The following POLN variants were observed in gnomAD, a reference collection of about 807,000 sequenced individuals.
POLN encodes DNA polymerase N.
In POLN, 108 loss-of-function variants were observed where a neutral mutation model predicts 113.5. The ratio of observed to expected loss-of-function variants is 0.95; its 90% CI spans 0.81 to 1.12. The LOEUF is 1.12. Ranked by LOEUF, POLN falls within the 50% of genes most tolerant of loss-of-function variation. The pLI is 0.00. For missense variants in POLN, 1,097 were observed against 1,077.1 expected (o/e 1.02, Z -0.26); for synonymous variants, 386 against 391.5 (o/e 0.99, Z 0.17).
chr4:2,151,068 C>A (rs1220063484), intron 16 of POLN, among the ~76,000 whole-genome samples: 1 of 152,114 alleles, frequency 6.6e-6, no homozygotes, highest in African/African-American at 2.4e-5. Context: ...CAAGAATATA[C>A]CTGCTAAAGG....
At chr4:2,178,162 G>A (rs907531973) in intron 8 of POLN, among the ~76,000 whole-genome samples, 2 of 152,154 alleles carry the variant, frequency 1.3e-5, no homozygotes, top group African/African-American at 4.8e-5. Context: ...TGCCTGACAC[G>A]GGCTCATATC....
chr4:2,240,427 T>G, intron 2 of POLN: 3 of 1,613,824 alleles, frequency 1.9e-6, no homozygotes, highest in Non-Finnish European at 2.5e-6. Context: ...ATCAATTGTG[T>G]AACTTCATCA....
rs746339339 is a variant in POLN at position 2,072,974 on chromosome 4, C to A, written c.2511G>T (p.Gln837His). The A allele has an allele frequency of 1.9e-5, 31 of 1,613,202 alleles. No individual in the cohort carries two copies. Among genetic ancestry groups the A allele is most frequent in the Non-Finnish European group, 2.0e-5 (24 of 1,179,932 alleles). Residue 837 changes from glutamine to histidine, a missense_variant, in exon 25 of 26, where the codon CAG becomes CAT. Physicochemically the swap from Gln to His is conservative, Grantham distance 24. Transcript: ENST00000511885. ...SLEQVQALEL[Q>H]LQVPLKVSLS... ...GGCTTAAGTGTCCCCTCACCTGAAG[C>A]TGCAGCTCCAATGCCTGCACCTGTT...
intron 19 of POLN, among the ~76,000 whole-genome samples, chr4:2,125,078 G>A (rs1003520139): frequency 1.3e-5 from 2 of 152,168 alleles, no homozygotes; most frequent in African/African-American, 4.8e-5. Context: ...CCCCAGTAGA[G>A]GGGAACGAGG....
chr4:2,182,683 G>A (rs7665062), intron 7 of POLN, among the ~76,000 whole-genome samples: 37,508 of 151,904 alleles, frequency 0.25, 7,151 homozygotes, highest in African/African-American at 0.52. Flanking sequence ...TGGATCATAA[G>A]CCTAACCTCA....
At chr4:2,136,709 C>T (rs543226221) in intron 16 of POLN, among the ~76,000 whole-genome samples, 20 of 152,202 alleles carry the variant, frequency 1.3e-4, no homozygotes, top group African/African-American at 2.2e-4. Flanking sequence ...TACATGAGCC[C>T]GTTGCTTTTC....
At chr4:2,176,766 C>T (rs1175685139) in intron 8 of POLN, among the ~76,000 whole-genome samples, 1 of 152,130 alleles carries the variant, frequency 6.6e-6, no homozygotes, top group Non-Finnish European at 1.5e-5. Context: ...CTTACCCCTC[C>T]ATTCTCACCC....
rs1429422957 is a variant in POLN, at chr4:2,148,312, C to T, written c.1731+8476G>A. ...TTCAGTGAGCTATGGGACAAATTGA[C>T]CTAATATATGTAATTATAAGTGGAG... is the stretch of plus-strand genomic sequence containing the variant. On this transcript the variant is annotated intron_variant, in intron 16 of 25. Coordinates refer to ENST00000511885, the MANE Select transcript of POLN (RefSeq NM_181808.4). Among the ~76,000 whole-genome samples, 4 of 151,980 alleles carry T rather than the reference C, an allele frequency of 2.6e-5. No individual in the cohort carries two copies. In the South Asian group the frequency reaches 6.2e-4, roughly 24 times the overall value.
chr4:2,116,649 GC>G (rs752369074), intron 19 of POLN, among the ~76,000 whole-genome samples: 1 of 152,060 alleles, frequency 6.6e-6, no homozygotes, highest in Non-Finnish European at 1.5e-5. Context: ...TTGTTGCCTT[GC>G]AAGGGCAAGT....
intron 5 of POLN, among the ~76,000 whole-genome samples, chr4:2,206,891 C>T (rs113786012): frequency 3.3e-4 from 50 of 152,348 alleles, no homozygotes; most frequent in African/African-American, 1.2e-3. Context: ...AGCAATCCCA[C>T]TACTGGGTAT....
chr4:2,114,221 T>A (rs1021409338), intron 19 of POLN, among the ~76,000 whole-genome samples: 6 of 151,958 alleles, frequency 3.9e-5, no homozygotes, highest in Admixed American at 1.3e-4. Flanking sequence ...TTTGAATAAT[T>A]CAGAACTATA....
At chr4:2,160,010 G>T (rs1047141965) in intron 13 of POLN, among the ~76,000 whole-genome samples, 1 of 152,186 alleles carries the variant, frequency 6.6e-6, no homozygotes, top group African/African-American at 2.4e-5. Flanking sequence ...TGAAACTGCT[G>T]CATCAACTTT....
chr4:2,210,630 T>TAATAATAATAATAAA (rs1009445902), intron 4 of POLN, among the ~76,000 whole-genome samples: 1 of 88,606 alleles, frequency 1.1e-5, no homozygotes, highest in Non-Finnish European at 2.1e-5. Flanking sequence ...ATAATAATAA[T>TAATAATAATAATAAA]AAAAAAAAGA....
chr4:2,092,891 G>A (rs923583841), intron 20 of POLN, among the ~76,000 whole-genome samples: 1 of 152,168 alleles, frequency 6.6e-6, no homozygotes, highest in Non-Finnish European at 1.5e-5. Context: ...AACACAAGGA[G>A]AACAGAGACC....
chr4:2,202,239 G>A (rs1454224170), intron 5 of POLN, among the ~76,000 whole-genome samples: 1 of 152,174 alleles, frequency 6.6e-6, no homozygotes, highest in Admixed American at 6.5e-5. Context: ...CCACTTAAAA[G>A]ATACAGAATT....
intron 19 of POLN, among the ~76,000 whole-genome samples, chr4:2,104,258 T>C (rs572027766): frequency 6.6e-6 from 1 of 152,366 alleles, no homozygotes; most frequent in Non-Finnish European, 1.5e-5. Context: ...AACAATCCAC[T>C]GTATGGATAG....
In POLN at chr4:2,100,498, G is replaced by A. The variant is rs568736154; in HGVS notation, c.1983-4565C>T. Among the ~76,000 whole-genome samples the A allele has an allele frequency of 3.3e-5, 5 of 152,334 alleles. No homozygotes were observed. The South Asian group carries it at 8.3e-4, about 25-fold the overall frequency. ...TAAAAGACACAGTGGAAGATGTGCT[G>A]TGCTCCTGGACAGGAGAATACAACA... On this transcript the variant is annotated intron_variant, in intron 19 of 25. Coordinates refer to ENST00000511885, the MANE Select transcript of POLN (RefSeq NM_181808.4).
chr4:2,222,706 T>A (rs1267433096), intron 3 of POLN, among the ~76,000 whole-genome samples: 3 of 148,160 alleles, frequency 2.0e-5, no homozygotes, highest in Non-Finnish European at 4.4e-5. Context: ...TTTTTTTTTT[T>A]TTTTTTATTT....
At chr4:2,217,566 C>G (rs1424829137) in intron 3 of POLN, among the ~76,000 whole-genome samples, 1 of 152,254 alleles carries the variant, frequency 6.6e-6, no homozygotes, top group Non-Finnish European at 1.5e-5. Context: ...CTCATGGTCA[C>G]TTGATGTCAC....
Sources: allele counts gnomAD v4.1 joint callset (sites outside exome capture counted in the v4.1 genomes callset), GRCh38; gene constraint gnomAD v4.1.1; transcripts MANE v1.5; gene names NCBI Gene and HGNC (gene_info 2026-07-23, HGNC 2026-07-21).